MIA2: variants seen among roughly 807,000 people sequenced by gnomAD.
MIA2 encodes the protein MIA SH3 domain ER export factor 2.
MIA2 carries 127 observed loss-of-function variants against 167.8 expected under a neutral mutation model. The observed-to-expected ratio is 0.76, with a 90% confidence interval of 0.66 to 0.88. The LOEUF (loss-of-function observed/expected upper bound fraction) is 0.88. Among genes scored for constraint, MIA2 ranks in the 40% least tolerant of loss-of-function variants. MIA2 has a pLI of 0.00. For missense variants in MIA2, 1,690 were observed against 1,624.7 expected (o/e 1.04, Z -0.69); for synonymous variants, 552 against 541.9 (o/e 1.02, Z -0.26).
At chr14:39,378,314 C>T (rs537202063) in intron 23 of MIA2, among the ~76,000 whole-genome samples, 2 of 152,298 alleles carry the variant, frequency 1.3e-5, no homozygotes, top group Non-Finnish European at 2.9e-5. Flanking sequence ...ACTAGTTCAT[C>T]CCATGCAGTT....
intron 25 of MIA2, among the ~76,000 whole-genome samples, chr14:39,336,174 CT>C (rs944342408): frequency 5.9e-5 from 9 of 152,160 alleles, no homozygotes; most frequent in African/African-American, 1.9e-4. Context: ...TTTGAGAAAT[CT>C]TCAAACTGAT....
At chr14:39,297,834 C>G (rs945720354) in intron 13 of MIA2, among the ~76,000 whole-genome samples, 1 of 152,040 alleles carries the variant, frequency 6.6e-6, no homozygotes, top group African/African-American at 2.4e-5. Flanking sequence ...TTTTTCCAGT[C>G]CTGCTTATAC....
chr14:39,275,071 T>G (rs1333535147), intron 6 of MIA2, among the ~76,000 whole-genome samples: 1 of 99,270 alleles, frequency 1.0e-5, no homozygotes, highest in Admixed American at 1.1e-4. Flanking sequence ...TGAGACTCCG[T>G]CTCAAAAAAA....
At chr14:39,295,143 A>C (rs570009457) in intron 13 of MIA2, 114 bp downstream of exon 13, 1 of 721,088 alleles carries the variant, frequency 1.4e-6, no homozygotes, top group Admixed American at 2.5e-5. Context: ...TGAGAGCATG[A>C]GAGCAGGACA....
At chr14:39,370,458 G>A (rs577176801) in intron 23 of MIA2, 6 of 249,156 alleles carry the variant, frequency 2.4e-5, no homozygotes, top group South Asian at 6.0e-5. Context: ...ATGGTGGGCC[G>A]GTTGGAATAG....
rs113562825 is a variant in MIA2, at chr14:39,299,532, T to C, written c.2497-332T>C. On this transcript the variant is annotated intron_variant, in intron 13 of 28. Transcript: ENST00000640607. Reference sequence around the variant, plus strand: ...ATGTTGGCCAGGATGGTGGTATTTCTAAAGGTTAGTTATTTTAAGTACAAA... The same window carrying C: ...ATGTTGGCCAGGATGGTGGTATTTCCAAAGGTTAGTTATTTTAAGTACAAA... 3.0e-3 allele frequency among the ~76,000 whole-genome samples: 463 copies of C among 152,096 alleles called. 4 individuals are homozygous for C. Among genetic ancestry groups the C allele is most frequent in the African/African-American group, 0.01 (424 of 41,516 alleles).
At chr14:39,378,569 A>T (rs900569877) in intron 23 of MIA2, among the ~76,000 whole-genome samples, 1 of 152,258 alleles carries the variant, frequency 6.6e-6, no homozygotes, top group African/African-American at 2.4e-5. Flanking sequence ...GACACAACTG[A>T]CAAGGAAATT....
At chr14:39,361,980 G>T (rs1351217229) in intron 23 of MIA2, among the ~76,000 whole-genome samples, 1 of 152,170 alleles carries the variant, frequency 6.6e-6, no homozygotes, top group Non-Finnish European at 1.5e-5. Flanking sequence ...TTCATATGAT[G>T]TATCACATTT....
intron 6 of MIA2, among the ~76,000 whole-genome samples, chr14:39,268,853 C>T (rs1171025975): frequency 6.6e-6 from 1 of 152,158 alleles, no homozygotes; most frequent in Non-Finnish European, 1.5e-5. Flanking sequence ...GAGAAGGAAT[C>T]TAGAAGGACT....
chr14:39,275,728 C>T (rs962887219), intron 6 of MIA2, among the ~76,000 whole-genome samples: 2 of 151,954 alleles, frequency 1.3e-5, no homozygotes, highest in African/African-American at 4.8e-5. Context: ...TGCCTTTTTT[C>T]CCCCAATAGC....
At chr14:39,285,088 G>A (rs2059432202) in intron 9 of MIA2, among the ~76,000 whole-genome samples, 2 of 152,206 alleles carry the variant, frequency 1.3e-5, no homozygotes, top group African/African-American at 4.8e-5. Flanking sequence ...TAGATCAACA[G>A]CATCCCAAGG....
intron 23 of MIA2, among the ~76,000 whole-genome samples, chr14:39,362,611 G>T (rs2074709280): frequency 6.6e-6 from 1 of 151,460 alleles, no homozygotes; most frequent in Admixed American, 6.6e-5. Flanking sequence ...TATCCATTTT[G>T]CTTATCTTTA....
intron 9 of MIA2, among the ~76,000 whole-genome samples, chr14:39,285,958 A>C (rs1321399101): frequency 6.7e-6 from 1 of 149,512 alleles, no homozygotes; most frequent in African/African-American, 2.5e-5. Context: ...CTCACTTCCC[A>C]GACTGGGCAG....
chr14:39,266,789 G>A, intron 6 of MIA2: 4 of 967,312 alleles, frequency 4.1e-6, no homozygotes, highest in African/African-American at 1.8e-5. Context: ...GCGAGGCTGC[G>A]GAAGGAAAGC....
In MIA2 at chr14:39,315,681, A is replaced by G; in HGVS notation, c.3181-2A>G. 1 of 1,552,826 alleles carries G rather than the reference A, an allele frequency of 6.4e-7. No individual in the cohort carries two copies. Among genetic ancestry groups the G allele is most frequent in the Non-Finnish European group, 8.8e-7 (1 of 1,137,220 alleles). On this transcript the variant is annotated splice_acceptor_variant, in intron 20 of 28. Coordinates refer to ENST00000640607, the MANE Select transcript of MIA2 (RefSeq NM_001329214.4). LOFTEE classifies it high-confidence loss of function. ...TAGCATTTTAATTACTTTCTTTTTC[A>G]GATTATTTCCCATGAGAAAAAAGCA... is the stretch of plus-strand genomic sequence containing the variant.
chr14:39,285,541 G>A (rs1186525826), intron 9 of MIA2, among the ~76,000 whole-genome samples: 8 of 145,912 alleles, frequency 5.5e-5, no homozygotes, highest in South Asian at 2.2e-4. Flanking sequence ...CCTCCCTCCC[G>A]GACGGGATGG....
intron 9 of MIA2, among the ~76,000 whole-genome samples, chr14:39,279,818 C>A (rs946120814): frequency 6.6e-6 from 1 of 152,148 alleles, no homozygotes; most frequent in Non-Finnish European, 1.5e-5. Context: ...GGTATCTGTT[C>A]GTGTATCCAA....
intron 13 of MIA2, among the ~76,000 whole-genome samples, chr14:39,297,298 G>GTCTTGAACTCTTGACTCAAGA (rs2061563453): frequency 6.6e-6 from 1 of 151,624 alleles, no homozygotes; most frequent in Non-Finnish European, 1.5e-5. Flanking sequence ...CATCATGTTG[G>GTCTTGAACTCTTGACTCAAGA]CCAGGTTGGT....
intron 6 of MIA2, among the ~76,000 whole-genome samples, chr14:39,262,455 C>T (rs1333532238): frequency 6.6e-6 from 1 of 152,170 alleles, no homozygotes; most frequent in Non-Finnish European, 1.5e-5. Flanking sequence ...AGCATGATGC[C>T]TCCAGCTTTG....
Sources: allele counts gnomAD v4.1 joint callset (sites outside exome capture counted in the v4.1 genomes callset), GRCh38; gene constraint gnomAD v4.1.1; transcripts MANE v1.5; gene names NCBI Gene and HGNC (gene_info 2026-07-23, HGNC 2026-07-21).